The following CCDC93 variants were observed in gnomAD, a reference collection of about 807,000 sequenced individuals.
CCDC93 encodes the protein coiled-coil domain-containing protein 93.
In CCDC93, 61 loss-of-function variants were observed where a neutral mutation model predicts 108.2. That is an observed-to-expected ratio of 0.56 (90% confidence interval 0.46 to 0.70). The LOEUF (loss-of-function observed/expected upper bound fraction) is 0.70. CCDC93 is among the 30% of genes least tolerant of loss of function. CCDC93 has a pLI of 0.00. For missense variants in CCDC93, 685 were observed against 764.2 expected (o/e 0.90, Z 1.22); for synonymous variants, 276 against 260.4 (o/e 1.06, Z -0.58).
intron 4 of CCDC93, chr2:117,999,141 G>A (rs1680756712): frequency 2.0e-5 from 3 of 152,200 alleles, no homozygotes; most frequent in African/African-American, 4.8e-5. Context: ...CAGACGGAAA[G>A]TTATTTACCC....
intron 22 of CCDC93, 192 bp from the exon 23 acceptor site, chr2:117,931,342 T>C (rs565693175): frequency 1.9e-6 from 1 of 525,488 alleles, no homozygotes; most frequent in East Asian, 3.2e-5. Flanking sequence ...TATTCAGCAA[T>C]TTTTCTATCA....
chr2:117,975,054 GA>G (rs1240836989), intron 9 of CCDC93, 133 bp downstream of exon 9: 1 of 1,035,030 alleles, frequency 9.7e-7, no homozygotes, highest in Admixed American at 1.8e-5. Flanking sequence ...AATGAAACTG[GA>G]AGGTGTGAAA....
chr2:117,922,192 T>C (rs1677892751), intron 23 of CCDC93, among the ~76,000 whole-genome samples: 1 of 152,170 alleles, frequency 6.6e-6, no homozygotes, highest in Admixed American at 6.5e-5. Flanking sequence ...GCATCAGAAC[T>C]CTACCGTGGG....
rs758866855 is a variant in CCDC93, at chr2:117,946,895, C to G, written c.1225-13G>C. On this transcript the variant is annotated splice_polypyrimidine_tract_variant and intron_variant, in intron 15 of 23. Transcript: ENST00000376300. ...GTGTCATCTCCTCCTTTAAAAGTGACATGAACTTTTACAAAATTCAGACAA... is the reference window on the plus strand; with the variant it reads ...GTGTCATCTCCTCCTTTAAAAGTGAGATGAACTTTTACAAAATTCAGACAA... 1 of 1,599,608 alleles carries G rather than the reference C, an allele frequency of 6.3e-7. No homozygotes were observed. Among genetic ancestry groups the G allele is most frequent in the Non-Finnish European group, 8.6e-7 (1 of 1,166,846 alleles).
Position 117,923,842 on chromosome 2 carries a change from C to A in CCDC93, c.1843-3446G>T, listed in dbSNP as rs1226653748. ...TGGGCAGACTGCTTCCTCATGTGGT[C>A]CCTGACCCCCGAGTAGCCAAACTGG... On this transcript the variant is annotated intron_variant, in intron 23 of 23. Transcript: ENST00000376300. Among the ~76,000 whole-genome samples, 2 of 149,098 alleles carry A rather than the reference C, an allele frequency of 1.3e-5. 1 individual carries two copies. The highest frequency in any genetic ancestry group is 4.3e-4 in the South Asian group (2 of 4,654).
At chr2:117,991,889 CAAG>C (rs562415920) in intron 6 of CCDC93, among the ~76,000 whole-genome samples, 97 of 152,200 alleles carry the variant, frequency 6.4e-4, no homozygotes, top group Admixed American at 9.8e-4. Context: ...TACTGACTCA[CAAG>C]AATAGGTCAG....
chr2:117,946,901 C>G lies in CCDC93; in HGVS notation c.1225-19G>C, dbSNP rs752261577. On this transcript the variant is annotated intron_variant, in intron 15 of 23. Transcript: ENST00000376300. ...TCTCCTCCTTTAAAAGTGACATGAACTTTTACAAAATTCAGACAAGGAGTA... is the reference window on the plus strand; with the variant it reads ...TCTCCTCCTTTAAAAGTGACATGAAGTTTTACAAAATTCAGACAAGGAGTA... 6.3e-7 allele frequency: 1 copy of G among 1,581,430 alleles called. No homozygotes were observed. The highest frequency in any genetic ancestry group is 1.3e-5 in the African/African-American group (1 of 74,288).
intron 19 of CCDC93, among the ~76,000 whole-genome samples, chr2:117,940,560 G>A (rs1678667112): frequency 6.6e-6 from 1 of 152,224 alleles, no homozygotes; most frequent in Non-Finnish European, 1.5e-5. Flanking sequence ...AGGAGTTCCT[G>A]AAGATTTGTT....
chr2:117,939,121 T>C lies in CCDC93; in HGVS notation c.1523-10A>G. ...TTGTGCACTGCTGAAACTGTAAAAG[T>C]AAAGAAATCAGCACACGAATAAGAA... On this transcript the variant is annotated splice_polypyrimidine_tract_variant and intron_variant, in intron 19 of 23. Transcript: ENST00000376300. 6.4e-7 allele frequency: 1 copy of C among 1,561,276 alleles called. No individual in the cohort carries two copies. Among genetic ancestry groups the C allele is most frequent in the African/African-American group, 1.4e-5 (1 of 73,738 alleles).
At chr2:117,979,048 C>A (rs1680032737) in intron 7 of CCDC93, among the ~76,000 whole-genome samples, 1 of 152,130 alleles carries the variant, frequency 6.6e-6, no homozygotes, top group Non-Finnish European at 1.5e-5. Context: ...TTTAAGGCTA[C>A]TCTGTGCCTC....
At chr2:117,959,596 C>T (rs1426671653) in intron 11 of CCDC93, among the ~76,000 whole-genome samples, 1 of 152,172 alleles carries the variant, frequency 6.6e-6, no homozygotes, top group Non-Finnish European at 1.5e-5. Context: ...CTGAATAATT[C>T]AGCAGGTATT....
chr2:118,006,947 A>C (rs996826985), intron 2 of CCDC93, 131 bp from the exon 3 acceptor site: 4 of 629,882 alleles, frequency 6.4e-6, no homozygotes, highest in Non-Finnish European at 1.1e-5. Context: ...CTTGAGAGAG[A>C]GAGTGTGTGT....
chr2:117,926,653 G>A (rs1678115754), intron 23 of CCDC93, among the ~76,000 whole-genome samples: 1 of 152,166 alleles, frequency 6.6e-6, no homozygotes, highest in Admixed American at 6.5e-5. Flanking sequence ...AAAAAGTCCA[G>A]GACCAGATGG....
At chr2:117,934,364 G>C (rs948118555) in intron 22 of CCDC93, 3 of 152,186 alleles carry the variant, frequency 2.0e-5, no homozygotes, top group Non-Finnish European at 4.4e-5. Flanking sequence ...AGGTCACTGA[G>C]AGGGGACTGC....
chr2:117,953,847 T>G (rs1679137236), intron 12 of CCDC93, among the ~76,000 whole-genome samples: 1 of 152,016 alleles, frequency 6.6e-6, no homozygotes, highest in Admixed American at 6.6e-5. Context: ...TGAGTTATGA[T>G]CATGCCACTG....
Position 117,946,865 on chromosome 2 carries a change from T to C in CCDC93, c.1242A>G (p.Leu414=). ...CTTTCAGGTTTTCAATTTCTTGCTG[T>C]AGTCGTGTCATCTCCTCCTTTAAAA... ...KAHCREEMTR[L]QQEIENLKAE... is the part of the protein sequence containing the mutation. Residue 414 remains leucine, a synonymous_variant, in exon 16 of 24, where the codon CTA becomes CTG. Transcript: ENST00000376300. 1 of 1,613,256 alleles carries C rather than the reference T, an allele frequency of 6.2e-7. No homozygotes were observed. Among genetic ancestry groups the C allele is most frequent in the African/African-American group, 1.3e-5 (1 of 75,048 alleles).
chr2:117,932,588 C>A (rs900590721), intron 22 of CCDC93, among the ~76,000 whole-genome samples: 2 of 152,234 alleles, frequency 1.3e-5, no homozygotes, highest in Non-Finnish European at 2.9e-5. Context: ...CTGGTGCACA[C>A]CCATGCTAGG....
rs1486325992 is a variant in CCDC93, at chr2:117,958,359, ACT to A, written c.1005+4_1005+5del. 2.6e-6 allele frequency: 4 copies of A among 1,536,268 alleles called. No homozygotes were observed. In the South Asian group the frequency reaches 4.5e-5, roughly 17 times the overall value. The stretch of plus-strand genomic sequence containing the variant: ...TTGAATAAACTTACGAAAAGAAAAC[ACT>A]GACCTCTTCAAGATGTTTGGTCTTT... On this transcript the variant is annotated splice_donor_5th_base_variant and intron_variant, in intron 12 of 23. Coordinates refer to ENST00000376300, the MANE Select transcript of CCDC93 (RefSeq NM_019044.5).
chr2:117,953,243 G>C (rs1379128239), intron 12 of CCDC93, among the ~76,000 whole-genome samples: 1 of 152,178 alleles, frequency 6.6e-6, no homozygotes, highest in East Asian at 1.9e-4. Context: ...CCTTGGGCCT[G>C]TAAGCAGCTT....
Sources: gnomAD v4.1 joint callset for allele counts (sites outside exome capture counted in the v4.1 genomes callset) on GRCh38, gnomAD v4.1.1 for gene constraint, MANE v1.5 for transcripts, NCBI Gene and HGNC (gene_info 2026-07-23, HGNC 2026-07-21) for gene names.